Variants in RFX3 observed in about 807,000 individuals in gnomAD.
RFX3 encodes transcription factor RFX3.
RFX3 carries 14 observed loss-of-function variants against 98.6 expected under a neutral mutation model. The ratio of observed to expected loss-of-function variants is 0.14; its 90% CI spans 0.09 to 0.22. The LOEUF is 0.22. Ranked by LOEUF, RFX3 falls within the 10% of genes least tolerant of loss-of-function variation. RFX3 has a pLI of 1.00. For missense variants in RFX3, 639 were observed against 926.9 expected, an observed-to-expected ratio of 0.69 and a Z score of 4.03; for synonymous variants, 383 against 328.4, an observed-to-expected ratio of 1.17 and a Z score of -1.80.
intron 16 of RFX3, among the ~76,000 whole-genome samples, chr9:3,225,781 C>T (rs1036984824): frequency 6.6e-6 from 1 of 152,066 alleles, no homozygotes; most frequent in Non-Finnish European, 1.5e-5. Context: ...CATGTATAAA[C>T]AGAGGCTGCT....
intron 1 of RFX3, among the ~76,000 whole-genome samples, chr9:3,504,737 TG>T (rs1354134782): frequency 1.6e-5 from 2 of 123,296 alleles, no homozygotes; most frequent in South Asian, 2.4e-4. Flanking sequence ...ATATGCTATA[TG>T]GTATATATTG....
chr9:3,346,974 T>A (rs3012673), intron 2 of RFX3, among the ~76,000 whole-genome samples: 49,009 of 151,860 alleles, frequency 0.32, 11,539 homozygotes, highest in African/African-American at 0.67. Context: ...ATTCTGTAAC[T>A]TCCCTGCAGG....
At chr9:3,413,414 GAACATC>G (rs1564067563) in intron 1 of RFX3, among the ~76,000 whole-genome samples, 1 of 151,992 alleles carries the variant, frequency 6.6e-6, no homozygotes, top group African/African-American at 2.4e-5. Context: ...AATATTTTAG[GAACATC>G]ATACTATAGC....
intron 1 of RFX3, among the ~76,000 whole-genome samples, chr9:3,514,228 C>T (rs184413235): frequency 1.4e-3 from 220 of 152,230 alleles, no homozygotes; most frequent in Non-Finnish European, 3.2e-4. Flanking sequence ...GGTGGAAATA[C>T]TAAATGTTCC....
intron 1 of RFX3, among the ~76,000 whole-genome samples, chr9:3,481,054 A>T (rs1849716735): frequency 6.6e-6 from 1 of 152,194 alleles, no homozygotes; most frequent in African/African-American, 2.4e-5. Context: ...AAGAATAATA[A>T]CACTAACTAC....
chr9:3,456,673 C>A (rs185271061), intron 1 of RFX3, among the ~76,000 whole-genome samples: 1 of 152,178 alleles, frequency 6.6e-6, no homozygotes, highest in Admixed American at 6.5e-5. Flanking sequence ...ATTTGGCCAT[C>A]TATTAAATAT....
chr9:3,385,520 C>A (rs1478154702), intron 2 of RFX3, among the ~76,000 whole-genome samples: 1 of 151,730 alleles, frequency 6.6e-6, no homozygotes, highest in Non-Finnish European at 1.5e-5. Flanking sequence ...CTAGCCTGGC[C>A]AACATGGTGA....
At chr9:3,250,498 G>A (rs1821239747) in intron 14 of RFX3, among the ~76,000 whole-genome samples, 1 of 151,984 alleles carries the variant, frequency 6.6e-6, no homozygotes, top group South Asian at 2.1e-4. Context: ...CTCCTTTACT[G>A]TCCCTATGAA....
chr9:3,407,349 C>T (rs1310309507), intron 1 of RFX3, among the ~76,000 whole-genome samples: 1 of 152,014 alleles, frequency 6.6e-6, no homozygotes, highest in Non-Finnish European at 1.5e-5. Flanking sequence ...GTACAGAAAT[C>T]CTGATGTAGG....
At chr9:3,467,107 T>C (rs1192731757) in intron 1 of RFX3, among the ~76,000 whole-genome samples, 4 of 141,924 alleles carry the variant, frequency 2.8e-5, no homozygotes, top group African/African-American at 1.1e-4. Context: ...TAAGTATATA[T>C]GTATATACAT....
intron 2 of RFX3, among the ~76,000 whole-genome samples, chr9:3,375,372 T>C (rs1838348249): frequency 1.3e-5 from 2 of 152,186 alleles, no homozygotes; most frequent in Non-Finnish European, 2.9e-5. Context: ...TGTAGCTTAT[T>C]TGTCTTATCT....
rs574520250 is a variant in RFX3 at position 3,352,932 on chromosome 9, G to C, written c.118-6168C>G. Among the ~76,000 whole-genome samples the C allele has an allele frequency of 1.9e-3, 295 of 152,102 alleles. 2 individuals are homozygous for C. Among genetic ancestry groups the C allele is most frequent in the Non-Finnish European group, 3.5e-3 (238 of 67,986 alleles). On this transcript the variant is annotated intron_variant, in intron 2 of 16. Transcript: ENST00000617270. The stretch of plus-strand genomic sequence containing the variant: ...TTGCGGCACTATTCACAATAGCAAA[G>C]ACTTGGAACCAACCCAAATGTCCAA...
intron 5 of RFX3, among the ~76,000 whole-genome samples, chr9:3,295,187 A>G (rs1387566672): frequency 6.6e-6 from 1 of 151,936 alleles, no homozygotes; most frequent in African/African-American, 2.4e-5. Flanking sequence ...TTTGCCTACA[A>G]CAGGGGGACA....
intron 15 of RFX3, chr9:3,247,298 C>T: frequency 1.0e-6 from 1 of 987,166 alleles, no homozygotes; most frequent in Non-Finnish European, 1.2e-6. Context: ...ATTTTGATGA[C>T]TATTCAGAAA....
intron 2 of RFX3, among the ~76,000 whole-genome samples, chr9:3,388,161 G>A (rs537753061): frequency 1.3e-5 from 2 of 152,224 alleles, no homozygotes; most frequent in South Asian, 4.1e-4. Context: ...CAGAAGTGAA[G>A]ATGGAAATGA....
chr9:3,401,221 CAGATT>C (rs1300248784), intron 1 of RFX3, among the ~76,000 whole-genome samples: 1 of 152,160 alleles, frequency 6.6e-6, no homozygotes, highest in Non-Finnish European at 1.5e-5. Flanking sequence ...ATAAAAACAG[CAGATT>C]AATTAGAATG....
chr9:3,324,491 G>C (rs934164236), intron 4 of RFX3, among the ~76,000 whole-genome samples: 1 of 151,012 alleles, frequency 6.6e-6, no homozygotes, highest in Non-Finnish European at 1.5e-5. Flanking sequence ...TTAAATATAA[G>C]GGAGTTCTTC....
chr9:3,470,392 A>T (rs765230992), intron 1 of RFX3, among the ~76,000 whole-genome samples: 1 of 149,042 alleles, frequency 6.7e-6, no homozygotes, highest in Non-Finnish European at 1.5e-5. Context: ...TTGACTCACT[A>T]CAAGCTCCGC....
intron 1 of RFX3, among the ~76,000 whole-genome samples, chr9:3,472,840 T>C (rs1435115631): frequency 1.3e-5 from 2 of 152,218 alleles, no homozygotes; most frequent in South Asian, 2.1e-4. Context: ...GATGTTCCTA[T>C]GCAATAGTTA....
Sources: allele counts gnomAD v4.1 joint callset (sites outside exome capture counted in the v4.1 genomes callset), GRCh38; gene constraint gnomAD v4.1.1; transcripts MANE v1.5; gene names NCBI Gene and HGNC (gene_info 2026-07-23, HGNC 2026-07-21).